The following UNC5D variants were observed in gnomAD, a reference collection of about 807,000 sequenced individuals.
The protein encoded by UNC5D is netrin receptor UNC5D.
Under a neutral mutation model 105.4 loss-of-function variants are expected in UNC5D, and 39 were observed. The observed-to-expected ratio is 0.37, with a 90% CI of 0.29 to 0.48. UNC5D has a LOEUF of 0.48. UNC5D is among the 20% of genes least tolerant of loss of function. The pLI is 0.98. For missense variants in UNC5D, 991 were observed against 1,202.4 expected, an observed-to-expected ratio of 0.82 and a Z score of 2.60; for synonymous variants, 452 against 450.4, an observed-to-expected ratio of 1.00 and a Z score of -0.04.
At chr8:35,419,402 C>T (rs894718627) in intron 1 of UNC5D, among the ~76,000 whole-genome samples, 1 of 152,200 alleles carries the variant, frequency 6.6e-6, no homozygotes, top group Non-Finnish European at 1.5e-5. Context: ...TGCTGCAGTT[C>T]TGTGCTCAGT....
chr8:35,310,137 G>T lies in UNC5D; in HGVS notation c.103+74250G>T, dbSNP rs369603284. On this transcript the variant is annotated intron_variant, in intron 1 of 16. Transcript: ENST00000404895. ...CTAGTGTCTCTTTAAAAAGACTGCA[G>T]TGCCATAGAAATTAATACCTTATTT... 3.2e-4 allele frequency among the ~76,000 whole-genome samples: 49 copies of T among 152,180 alleles called. 1 individual carries two copies. Among genetic ancestry groups the T allele is most frequent in the African/African-American group, 1.2e-3 (48 of 41,522 alleles).
intron 14 of UNC5D, among the ~76,000 whole-genome samples, chr8:35,766,178 T>A (rs1203364487): frequency 6.6e-6 from 1 of 152,144 alleles, no homozygotes; most frequent in African/African-American, 2.4e-5. Context: ...AATCTGTTCT[T>A]GTTTCTTATT....
At chr8:35,497,227 T>G (rs911124044) in intron 1 of UNC5D, among the ~76,000 whole-genome samples, 1 of 152,202 alleles carries the variant, frequency 6.6e-6, no homozygotes, top group African/African-American at 2.4e-5. Context: ...TCTCTGGGTC[T>G]CTCCCTGTGT....
intron 1 of UNC5D, among the ~76,000 whole-genome samples, chr8:35,483,869 C>A (rs925242374): frequency 2.7e-4 from 41 of 152,066 alleles, no homozygotes; most frequent in African/African-American, 9.7e-4. Context: ...TTTCTTTAGG[C>A]AGTCACTTAG....
At chr8:35,764,528 T>C (rs1801680212) in intron 14 of UNC5D, among the ~76,000 whole-genome samples, 1 of 152,150 alleles carries the variant, frequency 6.6e-6, no homozygotes. Context: ...TAAGTGCATA[T>C]GATGATACAA....
intron 1 of UNC5D, among the ~76,000 whole-genome samples, chr8:35,472,312 A>C (rs1396030023): frequency 6.6e-6 from 1 of 152,122 alleles, no homozygotes; most frequent in African/African-American, 2.4e-5. Flanking sequence ...AGAATAGGCC[A>C]CAATAATGGT....
At chr8:35,715,279 G>A (rs1378544703) in intron 8 of UNC5D, among the ~76,000 whole-genome samples, 1 of 152,056 alleles carries the variant, frequency 6.6e-6, no homozygotes, top group Non-Finnish European at 1.5e-5. Context: ...TTAGTGTAGA[G>A]AAAGGAAAAG....
intron 3 of UNC5D, among the ~76,000 whole-genome samples, chr8:35,593,705 G>A (rs1273330168): frequency 6.6e-6 from 1 of 152,142 alleles, no homozygotes; most frequent in Non-Finnish European, 1.5e-5. Context: ...CAAGGTTACG[G>A]TGAGCTATGT....
intron 3 of UNC5D, among the ~76,000 whole-genome samples, chr8:35,573,401 G>C (rs1218236452): frequency 6.6e-6 from 1 of 151,912 alleles, no homozygotes; most frequent in East Asian, 1.9e-4. Context: ...CTATGATCGC[G>C]CCTGTGAATA....
chr8:35,568,316 A>G, intron 3 of UNC5D, 75 bp downstream of exon 3: 2 of 1,521,542 alleles, frequency 1.3e-6, no homozygotes, highest in Non-Finnish European at 1.8e-6. Flanking sequence ...GAGGTTTTAC[A>G]GATGTCAGAT....
Position 35,793,244 on chromosome 8 carries a change from G to C in UNC5D, c.*2681G>C. On this transcript the variant is annotated 3_prime_UTR_variant, in exon 17 of 17. Coordinates refer to ENST00000404895, the MANE Select transcript of UNC5D (RefSeq NM_080872.4). ...ACAATTTCAAAGAGAACCCACATTT[G>C]TGAGATTTACAGACCAAGGTGTGGT... The C allele has an allele frequency of 2.3e-6, 1 of 427,420 alleles. No homozygotes were observed. 26.5% of individuals were successfully genotyped at this position (427,420 alleles called of 1,614,324 possible).
chr8:35,548,959 G>A (rs981632057), intron 1 of UNC5D, among the ~76,000 whole-genome samples: 1 of 152,102 alleles, frequency 6.6e-6, no homozygotes, highest in Non-Finnish European at 1.5e-5. Context: ...GCCCTTTAAG[G>A]TAACCATTCA....
In UNC5D at chr8:35,595,662, G is replaced by A. The variant is rs1298103751; in HGVS notation, c.570+5G>A. 5 of 1,613,666 alleles carry A rather than the reference G, an allele frequency of 3.1e-6. No homozygotes were observed. In the African/African-American group the frequency reaches 4.0e-5, roughly 13 times the overall value. On this transcript the variant is annotated splice_donor_5th_base_variant and intron_variant, in intron 4 of 16. Transcript: ENST00000404895. ...GAGGGAGTCCCTGCTGCCGAGGTAA[G>A]ACAGGATCCTGGGACCAGTCACCGG...
chr8:35,244,193 A>G (rs1289073009), intron 1 of UNC5D, among the ~76,000 whole-genome samples: 1 of 152,214 alleles, frequency 6.6e-6, no homozygotes, highest in Non-Finnish European at 1.5e-5. Flanking sequence ...TTGACTTTAG[A>G]GATTTTTTGA....
intron 1 of UNC5D, among the ~76,000 whole-genome samples, chr8:35,534,648 A>AT (rs1814699456): frequency 6.6e-6 from 1 of 152,024 alleles, no homozygotes; most frequent in Admixed American, 6.6e-5. Flanking sequence ...ATTCAGGGCC[A>AT]TTTTTAAGTA....
At chr8:35,277,327 AG>A (rs1805843650) in intron 1 of UNC5D, among the ~76,000 whole-genome samples, 1 of 152,168 alleles carries the variant, frequency 6.6e-6, no homozygotes, top group South Asian at 2.1e-4. Context: ...ATATATCCTT[AG>A]GGCAGTTTCT....
intron 15 of UNC5D, among the ~76,000 whole-genome samples, chr8:35,772,975 T>A (rs1802076385): frequency 6.6e-6 from 1 of 152,112 alleles, no homozygotes; most frequent in Non-Finnish European, 1.5e-5. Flanking sequence ...GGCTGTTTGC[T>A]TTCCTCTAGA....
intron 1 of UNC5D, among the ~76,000 whole-genome samples, chr8:35,269,364 A>G (rs898374660): frequency 2.6e-5 from 4 of 152,014 alleles, no homozygotes; most frequent in Admixed American, 2.6e-4. Context: ...CTCTTCTTAT[A>G]TTAGCCTTTC....
intron 7 of UNC5D, among the ~76,000 whole-genome samples, chr8:35,702,967 C>G (rs1827313663): frequency 6.6e-6 from 1 of 152,030 alleles, no homozygotes; most frequent in African/African-American, 2.4e-5. Flanking sequence ...GGTTGCTGGT[C>G]TGCACATTTA....
Sources: gnomAD v4.1 joint callset for allele counts (sites outside exome capture counted in the v4.1 genomes callset) on GRCh38, gnomAD v4.1.1 for gene constraint, MANE v1.5 for transcripts, NCBI Gene and HGNC (gene_info 2026-07-23, HGNC 2026-07-21) for gene names.